The following PTPRD variants were observed in gnomAD, a reference collection of about 807,000 sequenced individuals.
The protein encoded by PTPRD is receptor-type tyrosine-protein phosphatase delta.
In PTPRD, 34 loss-of-function variants were observed where a neutral mutation model predicts 214.5. That is an observed-to-expected ratio of 0.16 (90% CI 0.12 to 0.21). PTPRD has a LOEUF of 0.21. Among genes scored for constraint, PTPRD ranks in the 10% least tolerant of loss-of-function variants. The pLI is 1.00. For synonymous variants in PTPRD, 1,128 were observed against 845.7 expected (o/e 1.33, Z -5.79); for missense variants, 2,545 against 2,398.7 (o/e 1.06, Z -1.27).
intron 3 of PTPRD, among the ~76,000 whole-genome samples, chr9:10,058,820 A>T (rs995233321): frequency 1.3e-5 from 2 of 151,986 alleles, no homozygotes; most frequent in Admixed American, 6.6e-5. Context: ...CCAATTTTGG[A>T]GTTATGCACC....
rs373107072 is a variant in PTPRD at position 8,818,957 on chromosome 9, C to T, written c.-103-85011G>A. On this transcript the variant is annotated intron_variant, in intron 11 of 45. Coordinates refer to ENST00000381196, the MANE Select transcript of PTPRD (RefSeq NM_002839.4). ...AGAATCTGGTAACTAACCAGGAAAA[C>T]GACATAGCACTCTAGTCCACTACTA... Among the ~76,000 whole-genome samples, 55 of 152,264 alleles carry T rather than the reference C, an allele frequency of 3.6e-4. No homozygotes were observed. The South Asian group carries it at 4.6e-3, about 13-fold the overall frequency.
chr9:8,799,613 T>C (rs930783121), intron 11 of PTPRD, among the ~76,000 whole-genome samples: 5 of 152,222 alleles, frequency 3.3e-5, no homozygotes, highest in Non-Finnish European at 7.3e-5. Flanking sequence ...CTCAAAGTCT[T>C]AGCAACCAAC....
intron 26 of PTPRD, among the ~76,000 whole-genome samples, chr9:8,493,593 T>A (rs2097194061): frequency 6.6e-6 from 1 of 152,184 alleles, no homozygotes; most frequent in Non-Finnish European, 1.5e-5. Context: ...ATTAATGGAT[T>A]GTATTATCAT....
At chr9:8,385,338 G>A (rs942638187) in intron 37 of PTPRD, among the ~76,000 whole-genome samples, 1 of 152,110 alleles carries the variant, frequency 6.6e-6, no homozygotes, top group Non-Finnish European at 1.5e-5. Context: ...ACCAGCCTGG[G>A]CAAAAAAGTG....
At chr9:9,180,781 G>A (rs2099927748) in intron 10 of PTPRD, among the ~76,000 whole-genome samples, 1 of 151,972 alleles carries the variant, frequency 6.6e-6, no homozygotes, top group Non-Finnish European at 1.5e-5. Context: ...AAATACTGAT[G>A]AAATCTAATA....
intron 9 of PTPRD, among the ~76,000 whole-genome samples, chr9:9,369,241 C>T (rs1164987695): frequency 6.6e-6 from 1 of 152,068 alleles, no homozygotes; most frequent in East Asian, 1.9e-4. Flanking sequence ...TAAAAGTGTT[C>T]CTATTTCTCC....
chr9:9,515,107 T>A (rs2096802260), intron 8 of PTPRD, among the ~76,000 whole-genome samples: 1 of 152,090 alleles, frequency 6.6e-6, no homozygotes, highest in African/African-American at 2.4e-5. Context: ...AAATCCTTGA[T>A]TTTCCAGTAA....
At chr9:8,618,914 G>GTTTTTTTTTTT (rs554282961) in intron 14 of PTPRD, among the ~76,000 whole-genome samples, 1 of 67,798 alleles carries the variant, frequency 1.5e-5, no homozygotes, top group Non-Finnish European at 2.7e-5. Flanking sequence ...GTGTTTTTTT[G>GTTTTTTTTTTT]TTTTTTTTTT....
At chr9:9,259,902 G>A (rs917545745) in intron 9 of PTPRD, among the ~76,000 whole-genome samples, 4 of 151,836 alleles carry the variant, frequency 2.6e-5, no homozygotes, top group Non-Finnish European at 4.4e-5. Context: ...AAAGTGATGC[G>A]AGGAGGGTTT....
At chr9:9,183,570 C>A (rs2099929512) in intron 9 of PTPRD, among the ~76,000 whole-genome samples, 1 of 151,972 alleles carries the variant, frequency 6.6e-6, no homozygotes. Context: ...ACATGGAAAT[C>A]ACTATTGTTC....
At chr9:8,419,187 C>G (rs1268118709) in intron 35 of PTPRD, among the ~76,000 whole-genome samples, 1 of 148,010 alleles carries the variant, frequency 6.8e-6, no homozygotes, top group Admixed American at 6.8e-5. Context: ...GATCATCTCA[C>G]TGCACTCCAG....
chr9:8,364,736 C>T (rs566921798), intron 39 of PTPRD, among the ~76,000 whole-genome samples: 2 of 152,356 alleles, frequency 1.3e-5, no homozygotes, highest in South Asian at 4.1e-4. Context: ...TGGCATCGCT[C>T]TACGATTTTC....
chr9:9,126,601 C>T lies in PTPRD; in HGVS notation c.-143+56703G>A, dbSNP rs570992662. On this transcript the variant is annotated intron_variant, in intron 10 of 45. Coordinates refer to ENST00000381196, the MANE Select transcript of PTPRD (RefSeq NM_002839.4). ...GTGAAATTAATGTGAGTTATATATA[C>T]ATTTAAGAAAGATTAATGAAAACAA... Among the ~76,000 whole-genome samples, 120 of 152,220 alleles carry T rather than the reference C, an allele frequency of 7.9e-4. No homozygotes were observed. In the South Asian group the frequency reaches 0.024, roughly 31 times the overall value.
chr9:10,543,176 C>A (rs1014274294), intron 2 of PTPRD, among the ~76,000 whole-genome samples: 8 of 152,096 alleles, frequency 5.3e-5, no homozygotes, highest in African/African-American at 7.2e-5. Context: ...CAAGCCACCA[C>A]GCCCGGCCAC....
At chr9:10,219,529 G>C (rs1440015831) in intron 3 of PTPRD, among the ~76,000 whole-genome samples, 1 of 151,808 alleles carries the variant, frequency 6.6e-6, no homozygotes, top group Non-Finnish European at 1.5e-5. Context: ...GCCCATTTGT[G>C]TAGAGTTAAC....
intron 8 of PTPRD, among the ~76,000 whole-genome samples, chr9:9,413,554 T>C (rs1051740888): frequency 1.3e-5 from 2 of 152,214 alleles, no homozygotes; most frequent in African/African-American, 4.8e-5. Context: ...TATTCATCAT[T>C]ATCCAAAAAA....
intron 9 of PTPRD, among the ~76,000 whole-genome samples, chr9:9,344,762 A>T (rs2048187689): frequency 6.6e-6 from 1 of 152,004 alleles, no homozygotes; most frequent in Middle Eastern, 3.2e-3. Context: ...AATATTTTTT[A>T]TTTTGAAAAA....
At chr9:8,628,726 T>A (rs2096138029) in intron 14 of PTPRD, among the ~76,000 whole-genome samples, 2 of 151,868 alleles carry the variant, frequency 1.3e-5, no homozygotes, top group Non-Finnish European at 2.9e-5. Flanking sequence ...AGACCTAGAC[T>A]TGGGTACTTC....
rs115603104 is a variant in PTPRD, at chr9:9,694,142, G to A, written c.-287+40391C>T. On this transcript the variant is annotated intron_variant, in intron 7 of 45. Transcript: ENST00000381196. The stretch of plus-strand genomic sequence containing the variant: ...TCTGGTGAGGTCATGTTTTCCTGGC[G>A]TGTTGATTTTTACAGATGTTTGTTT... Among the ~76,000 whole-genome samples, 489 of 152,230 alleles carry A rather than the reference G, an allele frequency of 3.2e-3. 3 individuals are homozygous for A. Among genetic ancestry groups the A allele is most frequent in the East Asian group, 0.016 (85 of 5,176 alleles).
Sources: allele counts gnomAD v4.1 joint callset (sites outside exome capture counted in the v4.1 genomes callset), GRCh38; gene constraint gnomAD v4.1.1; transcripts MANE v1.5; gene names NCBI Gene and HGNC (gene_info 2026-07-23, HGNC 2026-07-21).